Variants in FN3K observed in about 807,000 individuals in gnomAD.
The protein encoded by FN3K is fructosamine-3-kinase.
FN3K carries 24 observed loss-of-function variants against 24.8 expected under a neutral mutation model. The observed-to-expected ratio is 0.97, with a 90% confidence interval of 0.70 to 1.36. FN3K has a LOEUF of 1.36. Ranked by LOEUF, FN3K falls within the 40% of genes most tolerant of loss-of-function variation. The probability of loss-of-function intolerance (pLI) is 0.00; values close to 1 mark genes in which losing one functional copy is unlikely to be tolerated. For missense variants in FN3K, 449 were observed against 416.7 expected, an observed-to-expected ratio of 1.08 and a Z score of -0.67; for synonymous variants, 192 against 175.2, an observed-to-expected ratio of 1.10 and a Z score of -0.76.
intron 4 of FN3K, among the ~76,000 whole-genome samples, chr17:82,743,429 G>A (rs992309103): frequency 6.6e-6 from 1 of 152,196 alleles, no homozygotes. Flanking sequence ...CCTGCTTCCT[G>A]CTTGTTGTGC....
chr17:82,750,616 A>T lies in FN3K; in HGVS notation c.791A>T (p.His264Leu). 2.5e-6 allele frequency: 4 copies of T among 1,613,850 alleles called. No homozygotes were observed. The highest frequency in any genetic ancestry group is 3.4e-6 in the Non-Finnish European group (4 of 1,179,950). Reference sequence around the variant, plus strand: ...CCCAGATCCTTCTTCACCGCCTACCACCGGAAGATCCCCAAGGCTCCGGGC... The same window carrying T: ...CCCAGATCCTTCTTCACCGCCTACCTCCGGAAGATCCCCAAGGCTCCGGGC... ...GFPRSFFTAYHRKIPKAPGFD... is the reference protein window; with the variant it reads ...GFPRSFFTAYLRKIPKAPGFD... The change falls in exon 6 of 6, where the codon CAC becomes CTC. Residue 264 changes from histidine to leucine, a missense_variant. Coordinates refer to ENST00000300784, the MANE Select transcript of FN3K (RefSeq NM_022158.4).
At chr17:82,741,594 C>G in intron 4 of FN3K, 1 of 544,024 alleles carries the variant, frequency 1.8e-6, no homozygotes, top group Non-Finnish European at 3.4e-6. Context: ...ATGGGACATG[C>G]TGGGGCAGGC....
intron 4 of FN3K, among the ~76,000 whole-genome samples, chr17:82,743,896 C>G (rs747479077): frequency 6.6e-6 from 1 of 152,184 alleles, no homozygotes; most frequent in African/African-American, 2.4e-5. Flanking sequence ...GTGGCACCTT[C>G]CCCGGGTAGC....
At chr17:82,747,432 T>C (rs753146576) in intron 4 of FN3K, among the ~76,000 whole-genome samples, 1 of 152,306 alleles carries the variant, frequency 6.6e-6, no homozygotes, top group Non-Finnish European at 1.5e-5. Flanking sequence ...GACGGAGTCT[T>C]GCTCTGTCAC....
chr17:82,740,332 AAG>A (rs2143642354), intron 2 of FN3K, among the ~76,000 whole-genome samples: 1 of 151,732 alleles, frequency 6.6e-6, no homozygotes, highest in African/African-American at 2.4e-5. Context: ...ATTTTCTGGA[AAG>A]AGTCTTTGCC....
chr17:82,738,940 ATATATAT>A (rs2046923808), intron 2 of FN3K, among the ~76,000 whole-genome samples: 3 of 102,346 alleles, frequency 2.9e-5, no homozygotes, highest in South Asian at 3.7e-4. Context: ...ATATATATAT[ATATATAT>A]TTTTTTTTTT....
chr17:82,741,545 G>A, intron 4 of FN3K, 152 bp downstream of exon 4: 1 of 721,200 alleles, frequency 1.4e-6, no homozygotes. Context: ...AATGGGGAGA[G>A]CAGACGCTGA....
At chr17:82,742,849 C>A in intron 4 of FN3K, 1 of 398,870 alleles carries the variant, frequency 2.5e-6, no homozygotes, top group South Asian at 1.9e-5. Flanking sequence ...CGACGCCCGT[C>A]CTGACTAGTT....
intron 1 of FN3K, chr17:82,738,093 C>G (rs924562269): frequency 5.0e-6 from 1 of 200,518 alleles, no homozygotes; most frequent in Non-Finnish European, 1.0e-5. Context: ...CAAGTTAGCT[C>G]CAGTGAGGCC....
intron 2 of FN3K, 89 bp from the exon 3 acceptor site, chr17:82,740,674 T>C: frequency 2.3e-6 from 2 of 856,898 alleles, no homozygotes; most frequent in South Asian, 2.9e-5. Flanking sequence ...TAGTTTTCAA[T>C]GTATTTAAAC....
At chr17:82,737,988 G>T (rs1676931580) in intron 1 of FN3K, 1 of 161,330 alleles carries the variant, frequency 6.2e-6, no homozygotes, top group Non-Finnish European at 1.4e-5. Flanking sequence ...GGCCGGCCGG[G>T]TGTGCCGTGC....
intron 5 of FN3K, 155 bp downstream of exon 5, chr17:82,749,132 C>T (rs2046986128): frequency 8.4e-7 from 1 of 1,184,408 alleles, no homozygotes; most frequent in Non-Finnish European, 1.2e-6. Context: ...GGGGTTCCCC[C>T]AAAAGGGAGT....
chr17:82,744,686 G>A (rs55695708), intron 4 of FN3K, among the ~76,000 whole-genome samples: 2,393 of 152,262 alleles, frequency 0.016, 61 homozygotes, highest in African/African-American at 0.054. Context: ...GCCAGCCTCT[G>A]AGTTCCCTTA....
chr17:82,739,102 C>T (rs1454355549), intron 2 of FN3K, among the ~76,000 whole-genome samples: 3 of 150,900 alleles, frequency 2.0e-5, no homozygotes, highest in African/African-American at 7.3e-5. Context: ...TGTCCACCAC[C>T]ACACCTGACT....
intron 4 of FN3K, among the ~76,000 whole-genome samples, chr17:82,747,635 G>A (rs979429461): frequency 2.0e-5 from 3 of 152,166 alleles, no homozygotes; most frequent in South Asian, 2.1e-4. Context: ...TCTTGACCTC[G>A]TGATCCACCC....
intron 4 of FN3K, 179 bp downstream of exon 4, chr17:82,741,572 C>A: frequency 1.6e-6 from 1 of 613,262 alleles, no homozygotes; most frequent in Non-Finnish European, 2.9e-6. Flanking sequence ...CTGAGCTGAG[C>A]TGGGCAGGGT....
chr17:82,743,471 A>C (rs1238146343), intron 4 of FN3K, among the ~76,000 whole-genome samples: 2 of 151,338 alleles, frequency 1.3e-5, no homozygotes, highest in African/African-American at 4.9e-5. Context: ...GAGGCTTCCC[A>C]CTCCTTGGGA....
chr17:82,736,943 C>T (rs954681444), intron 1 of FN3K, among the ~76,000 whole-genome samples: 4 of 152,174 alleles, frequency 2.6e-5, no homozygotes, highest in Non-Finnish European at 4.4e-5. Context: ...CACGAGGGGC[C>T]GGCACATAGT....
intron 1 of FN3K, 24 bp from the exon 2 acceptor site, chr17:82,738,465 G>A: frequency 6.2e-7 from 1 of 1,611,676 alleles, no homozygotes; most frequent in African/African-American, 1.3e-5. Context: ...CAACAAGGCT[G>A]ACAAGGCTGT....
Sources: allele counts gnomAD v4.1 joint callset (sites outside exome capture counted in the v4.1 genomes callset), GRCh38; gene constraint gnomAD v4.1.1; transcripts MANE v1.5; gene names NCBI Gene and HGNC (gene_info 2026-07-23, HGNC 2026-07-21).